KLRF1: variants seen among roughly 807,000 people sequenced by gnomAD.
The protein encoded by KLRF1 is killer cell lectin-like receptor subfamily F member 1.
Under a neutral mutation model 30.7 loss-of-function variants are expected in KLRF1, and 27 were observed. The ratio of observed to expected loss-of-function variants is 0.88; its 90% CI spans 0.65 to 1.21. The LOEUF is 1.21. KLRF1 is among the 50% of genes most tolerant of loss of function. The pLI, the probability that KLRF1 is intolerant of heterozygous loss-of-function variation, is 0.00. For synonymous variants in KLRF1, 92 were observed against 89.3 expected, an observed-to-expected ratio of 1.03 and a Z score of -0.17; for missense variants, 246 against 259.3, an observed-to-expected ratio of 0.95 and a Z score of 0.35.
chr12:9,821,071 C>G, the KLRF1 span, among the ~76,000 whole-genome samples: 29 of 152,178 alleles, frequency 1.9e-4, no homozygotes, highest in Admixed American at 4.6e-4. Flanking sequence ...CAGTTCTATC[C>G]CTGCTACCCT....
chr12:9,811,145 A>T, the KLRF1 span, among the ~76,000 whole-genome samples: 38 of 151,808 alleles, frequency 2.5e-4, no homozygotes, highest in East Asian at 6.6e-3. Context: ...GTCAGCCTCA[A>T]TGAAAAGAAG....
chr12:9,801,509 A>G, the KLRF1 span, among the ~76,000 whole-genome samples: 9 of 151,812 alleles, frequency 5.9e-5, no homozygotes, highest in African/African-American at 1.9e-4. Context: ...ACCAGCATCT[A>G]TAGTTTCTTG....
At chr12:9,813,383 T>A in the KLRF1 span, among the ~76,000 whole-genome samples, 35 of 151,990 alleles carry the variant, frequency 2.3e-4, no homozygotes, top group Non-Finnish European at 4.6e-4. Context: ...CAGGGCTCAC[T>A]GCAGCTTTTA....
At chr12:9,834,383 T>C (rs765564203) in intron 3 of KLRF1, among the ~76,000 whole-genome samples, 3 of 151,890 alleles carry the variant, frequency 2.0e-5, no homozygotes, top group African/African-American at 4.8e-5. Context: ...TAAAATAGTA[T>C]TGAAGTGTTG....
intron 1 of KLRF1, among the ~76,000 whole-genome samples, chr12:9,830,618 A>AT (rs1565504450): frequency 1.3e-5 from 2 of 151,812 alleles, no homozygotes; most frequent in African/African-American, 4.8e-5. Context: ...TATCAATTTC[A>AT]TTTTTTACAT....
At chr12:9,817,918 A>C in the KLRF1 span, 1 of 200,880 alleles carries the variant, frequency 5.0e-6, no homozygotes, top group Non-Finnish European at 1.2e-5. Context: ...GCTGGCAGAC[A>C]GCAGCCTCAT....
chr12:9,801,537 A>G, the KLRF1 span, among the ~76,000 whole-genome samples: 3 of 151,958 alleles, frequency 2.0e-5, no homozygotes, highest in African/African-American at 7.2e-5. Context: ...AATAATCGCC[A>G]TTCTGAATGG....
chr12:9,844,557 A>G lies in KLRF1; in HGVS notation c.*31A>G, dbSNP rs760130272. 7 of 1,219,138 alleles carry G rather than the reference A, an allele frequency of 5.7e-6. No individual in the cohort carries two copies. In the East Asian group the frequency reaches 7.1e-5, roughly 12 times the overall value. 75.5% of individuals were successfully genotyped at this position (1,219,138 alleles called of 1,614,324 possible). ...GACAAAATTCACAGTGAAATAATCA[A>G]TGATCACTATTTTTGGCCTATTAGT... is the stretch of plus-strand genomic sequence containing the variant. On this transcript the variant is annotated 3_prime_UTR_variant, in exon 6 of 6. Coordinates refer to ENST00000617889, the MANE Select transcript of KLRF1 (RefSeq NM_016523.3).
At chr12:9,816,064 C>T in the KLRF1 span, among the ~76,000 whole-genome samples, 2 of 152,138 alleles carry the variant, frequency 1.3e-5, no homozygotes, top group Admixed American at 1.3e-4. Context: ...GTGATCTGCC[C>T]GCCTCGGCCT....
At chr12:9,804,974 A>G in the KLRF1 span, among the ~76,000 whole-genome samples, 344 of 152,008 alleles carry the variant, frequency 2.3e-3, no homozygotes, top group African/African-American at 8.2e-3. Context: ...ATTCTATTTG[A>G]TCATTGTGTA....
At chr12:9,818,338 G>C in the KLRF1 span, among the ~76,000 whole-genome samples, 1 of 152,330 alleles carries the variant, frequency 6.6e-6, no homozygotes, top group Non-Finnish European at 1.5e-5. Context: ...GCAGCCTCTG[G>C]TGTGGCCAGC....
the KLRF1 span, among the ~76,000 whole-genome samples, chr12:9,800,788 T>C: frequency 6.6e-6 from 1 of 152,028 alleles, no homozygotes; most frequent in African/African-American, 2.4e-5. Context: ...TGTCTTTTGT[T>C]AAGTATTTTC....
At chr12:9,814,766 C>T in the KLRF1 span, among the ~76,000 whole-genome samples, 2 of 151,346 alleles carry the variant, frequency 1.3e-5, no homozygotes, top group Admixed American at 6.6e-5. Context: ...GCTGCCCGCC[C>T]AGCCCACCCT....
intron 1 of KLRF1, among the ~76,000 whole-genome samples, chr12:9,828,475 A>C (rs1330225298): frequency 1.3e-5 from 2 of 152,198 alleles, no homozygotes; most frequent in Non-Finnish European, 2.9e-5. Flanking sequence ...TCAACATTTT[A>C]ATTTGCTACT....
At chr12:9,810,020 A>ATT in the KLRF1 span, among the ~76,000 whole-genome samples, 1 of 152,144 alleles carries the variant, frequency 6.6e-6, no homozygotes, top group African/African-American at 2.4e-5. Flanking sequence ...TCAGTCCTAA[A>ATT]TTTCATCATT....
At chr12:9,840,912 G>A (rs1393023683) in intron 3 of KLRF1, among the ~76,000 whole-genome samples, 3 of 152,062 alleles carry the variant, frequency 2.0e-5, no homozygotes, top group Non-Finnish European at 1.5e-5. Flanking sequence ...AGACCTAAAG[G>A]CAGAAATACC....
the KLRF1 span, among the ~76,000 whole-genome samples, chr12:9,811,926 G>A: frequency 6.6e-6 from 1 of 152,200 alleles, no homozygotes; most frequent in East Asian, 1.9e-4. Flanking sequence ...ACTTTGGGAT[G>A]GTGTTTTAAC....
upstream of KLRF1, among the ~76,000 whole-genome samples, chr12:9,826,695 A>G (rs1867289424): frequency 6.6e-6 from 1 of 152,202 alleles, no homozygotes; most frequent in South Asian, 2.1e-4. Flanking sequence ...CAGCTATAAA[A>G]AAGAATGAGA....
intron 3 of KLRF1, among the ~76,000 whole-genome samples, chr12:9,836,722 A>G (rs190972936): frequency 6.6e-6 from 1 of 152,156 alleles, no homozygotes; most frequent in East Asian, 1.9e-4. Flanking sequence ...CATTTGGCTT[A>G]TCTGTCTGTT....
Sources: allele counts gnomAD v4.1 joint callset (sites outside exome capture counted in the v4.1 genomes callset), GRCh38; gene constraint gnomAD v4.1.1; transcripts MANE v1.5; gene names NCBI Gene and HGNC (gene_info 2026-07-23, HGNC 2026-07-21).